Variants in CHST11 observed in about 807,000 individuals in gnomAD.
CHST11 encodes carbohydrate sulfotransferase 11, also known as C4S-1.
A neutral mutation model predicts 30.4 loss-of-function variants in CHST11; 9 were observed. The ratio of observed to expected loss-of-function variants is 0.30; its 90% CI spans 0.18 to 0.52. The LOEUF (loss-of-function observed/expected upper bound fraction) is 0.52. CHST11 is among the 20% of genes least tolerant of loss of function. The pLI is 0.97. For synonymous variants in CHST11, 152 were observed against 187.8 expected (o/e 0.81, Z 1.56); for missense variants, 348 against 460.6 (o/e 0.76, Z 2.24).
At chr12:104,651,927 G>C (rs1176614782) in intron 2 of CHST11, among the ~76,000 whole-genome samples, 1 of 152,150 alleles carries the variant, frequency 6.6e-6, no homozygotes, top group African/African-American at 2.4e-5. Context: ...TCATCTAATA[G>C]AGTTAACATT....
At chr12:104,494,239 G>C (rs1026171300) in intron 1 of CHST11, among the ~76,000 whole-genome samples, 1 of 152,154 alleles carries the variant, frequency 6.6e-6, no homozygotes, top group Non-Finnish European at 1.5e-5. Context: ...AAGAGATGCC[G>C]TGCCGATGAG....
chr12:104,549,420 T>G (rs1422459420), intron 1 of CHST11, among the ~76,000 whole-genome samples: 1 of 152,202 alleles, frequency 6.6e-6, no homozygotes, highest in African/African-American at 2.4e-5. Context: ...GCAAGAACTG[T>G]TCTAAGGGAT....
At position 104,587,215 on chromosome 12, in the gene CHST11, G is replaced by A. The variant is rs550275850; in HGVS notation, c.119-14691G>A. ...ATCTAGGAAGCTACCTTTAAATTTC[G>A]AATCTTACTCTTCTATTCATAAGCC... On this transcript the variant is annotated intron_variant, in intron 1 of 2. Coordinates refer to ENST00000303694, the MANE Select transcript of CHST11 (RefSeq NM_018413.6). Among the ~76,000 whole-genome samples the A allele has an allele frequency of 5.3e-5, 8 of 152,150 alleles. No homozygotes were observed. In the East Asian group the frequency reaches 7.7e-4, roughly 15 times the overall value.
chr12:104,667,669 T>C (rs856595), intron 2 of CHST11, among the ~76,000 whole-genome samples: 94,024 of 151,968 alleles, frequency 0.62, 29,944 homozygotes, highest in African/African-American at 0.76. Context: ...TTAGGGGAGC[T>C]ATGAATTCCT....
intron 1 of CHST11, among the ~76,000 whole-genome samples, chr12:104,518,976 T>C (rs74956916): frequency 4.9e-5 from 1 of 20,514 alleles, no homozygotes; most frequent in African/African-American, 5.9e-4. Flanking sequence ...TTTTCTTTCT[T>C]TTTTTTTTTT....
intron 1 of CHST11, among the ~76,000 whole-genome samples, chr12:104,564,195 A>G (rs909683435): frequency 6.6e-6 from 1 of 152,146 alleles, no homozygotes; most frequent in Admixed American, 6.5e-5. Flanking sequence ...GTGTCTTCAT[A>G]GTTCAGCAAA....
intron 1 of CHST11, among the ~76,000 whole-genome samples, chr12:104,492,753 T>C (rs1247231659): frequency 6.6e-6 from 1 of 152,132 alleles, no homozygotes; most frequent in Non-Finnish European, 1.5e-5. Flanking sequence ...CCAGGATGTG[T>C]CCGGGTGCGG....
chr12:104,489,077 C>T lies in CHST11; in HGVS notation c.118+31548C>T, dbSNP rs544829840. Among the ~76,000 whole-genome samples the T allele has an allele frequency of 5.5e-4, 83 of 152,024 alleles. 3 individuals carry two copies. In the South Asian group the frequency reaches 0.017, roughly 32 times the overall value. ...GAGATGGAGTTTTGCTCTTGTTTTG[C>T]CCAGGCTGGAGTGCAATGGCATGAT... is the stretch of plus-strand genomic sequence containing the variant. On this transcript the variant is annotated intron_variant, in intron 1 of 2. Transcript: ENST00000303694.
Position 104,761,524 on chromosome 12 carries a change from C to T in CHST11, c.*3721C>T. ...ACAATCTCAGCTGCGCCATTCTGTG[C>T]AATCCCAGTGACCAAATCCCTTCCT... On this transcript the variant is annotated 3_prime_UTR_variant, in exon 3 of 3. Transcript: ENST00000303694. 1 of 151,892 alleles carries T rather than the reference C, an allele frequency of 6.6e-6. No individual in the cohort carries two copies. The highest frequency in any genetic ancestry group is 1.5e-5 in the Non-Finnish European group (1 of 68,822). 9.4% of individuals were successfully genotyped at this position (151,892 alleles called of 1,614,324 possible).
chr12:104,688,109 G>C (rs2039865368), intron 2 of CHST11, among the ~76,000 whole-genome samples: 1 of 152,216 alleles, frequency 6.6e-6, no homozygotes, highest in Admixed American at 6.5e-5. Flanking sequence ...TGGCATCCCT[G>C]TGTGCGCGTT....
At chr12:104,488,723 ATGTG>A (rs981228564) in intron 1 of CHST11, among the ~76,000 whole-genome samples, 2 of 128,954 alleles carry the variant, frequency 1.6e-5, no homozygotes, top group African/African-American at 6.1e-5. Flanking sequence ...GTGTGCGTGT[ATGTG>A]TGTATGTGTA....
intron 2 of CHST11, among the ~76,000 whole-genome samples, chr12:104,659,812 T>C (rs1039477191): frequency 3.1e-4 from 44 of 140,428 alleles, no homozygotes; most frequent in African/African-American, 1.0e-3. Flanking sequence ...CCCCACCATC[T>C]CTACAAATAA....
chr12:104,679,482 ATCT>A (rs1272823548), intron 2 of CHST11, among the ~76,000 whole-genome samples: 5 of 152,152 alleles, frequency 3.3e-5, no homozygotes, highest in East Asian at 1.9e-4. Context: ...CTGGAGTCAG[ATCT>A]TCTTCTTTGA....
intron 2 of CHST11, among the ~76,000 whole-genome samples, chr12:104,645,722 G>A (rs977139172): frequency 6.9e-6 from 1 of 145,884 alleles, no homozygotes; most frequent in Non-Finnish European, 1.5e-5. Context: ...CAAGATTAGA[G>A]CTTTATTAAA....
At chr12:104,583,106 G>A (rs944202454) in intron 1 of CHST11, among the ~76,000 whole-genome samples, 13 of 152,064 alleles carry the variant, frequency 8.5e-5, no homozygotes, top group African/African-American at 2.4e-4. Flanking sequence ...TTGTATACTG[G>A]GGCCATGCCT....
At chr12:104,754,232 C>T (rs1008159830) in intron 2 of CHST11, among the ~76,000 whole-genome samples, 1 of 152,208 alleles carries the variant, frequency 6.6e-6, no homozygotes, top group Non-Finnish European at 1.5e-5. Context: ...CGTATCCCGG[C>T]TAGGACCCTC....
intron 2 of CHST11, among the ~76,000 whole-genome samples, chr12:104,708,209 G>A (rs2040053496): frequency 6.6e-6 from 1 of 152,218 alleles, no homozygotes; most frequent in Non-Finnish European, 1.5e-5. Flanking sequence ...TTTGCAGTTA[G>A]GCCAACTTGG....
chr12:104,720,088 G>A (rs1320246298), intron 2 of CHST11, among the ~76,000 whole-genome samples: 1 of 152,224 alleles, frequency 6.6e-6, no homozygotes, highest in Non-Finnish European at 1.5e-5. Flanking sequence ...AATTGAATAA[G>A]TGGACTTGTC....
chr12:104,617,519 G>A (rs1369296005), intron 2 of CHST11, among the ~76,000 whole-genome samples: 5 of 152,050 alleles, frequency 3.3e-5, no homozygotes, highest in East Asian at 1.9e-4. Flanking sequence ...AGACCCCTAC[G>A]TCCTGAGTTC....
Sources: gnomAD v4.1 joint callset for allele counts (sites outside exome capture counted in the v4.1 genomes callset) on GRCh38, gnomAD v4.1.1 for gene constraint, MANE v1.5 for transcripts, NCBI Gene and HGNC (gene_info 2026-07-23, HGNC 2026-07-21) for gene names.